The following ERBB4 variants were observed in gnomAD, a reference collection of about 807,000 sequenced individuals.
ERBB4 encodes erb-b2 receptor tyrosine kinase 4, also known as receptor tyrosine-protein kinase erbB-4.
A neutral mutation model predicts 158.0 loss-of-function variants in ERBB4; 42 were observed. The ratio of observed to expected loss-of-function variants is 0.27; its 90% CI spans 0.21 to 0.34. ERBB4 has a LOEUF of 0.34. Ranked by LOEUF, ERBB4 falls within the 10% of genes least tolerant of loss-of-function variation. The pLI is 1.00. For missense variants in ERBB4, 1,333 were observed against 1,624.1 expected, an observed-to-expected ratio of 0.82 and a Z score of 3.08; for synonymous variants, 583 against 558.7, an observed-to-expected ratio of 1.04 and a Z score of -0.61.
intron 1 of ERBB4, among the ~76,000 whole-genome samples, chr2:212,488,400 T>C (rs2106190255): frequency 1.3e-5 from 2 of 152,156 alleles, no homozygotes; most frequent in South Asian, 4.1e-4. Context: ...GTCATCCCTC[T>C]AGTTTTAACC....
At position 211,679,060 on chromosome 2, in the gene ERBB4, G is replaced by A; in HGVS notation, c.1614C>T (p.Leu538=). Residue 538 remains leucine (L), a synonymous_variant, in exon 13 of 28, where the codon CTC becomes CTT. Transcript: ENST00000342788. Reference sequence around the variant, plus strand: ...CCTAGAAGAAGCCTTACCCATCATAGAGGTTACAAGACTCTATGCAGATCC... The same window carrying A: ...CCTAGAAGAAGCCTTACCCATCATAAAGGTTACAAGACTCTATGCAGATCC... ...RGRICIESCN[L]YDGEFREFEN... is the part of the protein sequence containing the mutation. The A allele has an allele frequency of 6.3e-7, 1 of 1,593,478 alleles. No homozygotes were observed. Among genetic ancestry groups the A allele is most frequent in the East Asian group, 2.4e-5 (1 of 42,492 alleles).
At chr2:212,493,347 G>A (rs1055444582) in intron 1 of ERBB4, among the ~76,000 whole-genome samples, 2 of 151,262 alleles carry the variant, frequency 1.3e-5, no homozygotes, top group Non-Finnish European at 3.0e-5. Flanking sequence ...AAATAGACAA[G>A]TATAGAAGTG....
chr2:211,875,025 C>CAAAAAAAAAAAATA (rs2078456589), intron 3 of ERBB4, among the ~76,000 whole-genome samples: 1 of 27,032 alleles, frequency 3.7e-5, no homozygotes. Flanking sequence ...AATAGAAATG[C>CAAAAAAAAAAAATA]AAAAAAAAAA....
chr2:211,534,807 A>G (rs1453711531), intron 20 of ERBB4, among the ~76,000 whole-genome samples: 1 of 152,046 alleles, frequency 6.6e-6, no homozygotes, highest in Non-Finnish European at 1.5e-5. Context: ...ACAGATGGGA[A>G]GAGGGAGAGA....
chr2:211,776,797 G>A (rs944725365), intron 4 of ERBB4, among the ~76,000 whole-genome samples: 1 of 152,058 alleles, frequency 6.6e-6, no homozygotes, highest in African/African-American at 2.4e-5. Context: ...GTTATATTGG[G>A]GCAGTGCTTT....
chr2:211,685,981 T>G (rs1404631298), intron 12 of ERBB4, among the ~76,000 whole-genome samples: 2 of 152,202 alleles, frequency 1.3e-5, no homozygotes, highest in Non-Finnish European at 2.9e-5. Context: ...CCTATAATCA[T>G]GCTGAATTTG....
At chr2:212,071,686 T>C (rs1304680753) in intron 2 of ERBB4, among the ~76,000 whole-genome samples, 1 of 152,046 alleles carries the variant, frequency 6.6e-6, no homozygotes, top group Non-Finnish European at 1.5e-5. Context: ...ATTTGTCTTT[T>C]TGGTTTTTGT....
chr2:212,121,524 T>C (rs2079747429), intron 2 of ERBB4, among the ~76,000 whole-genome samples: 1 of 152,226 alleles, frequency 6.6e-6, no homozygotes. Flanking sequence ...TATTCTGTTC[T>C]TGAACCACTC....
intron 1 of ERBB4, among the ~76,000 whole-genome samples, chr2:212,279,416 A>G (rs1469386051): frequency 6.6e-6 from 1 of 151,558 alleles, no homozygotes; most frequent in Non-Finnish European, 1.5e-5. Flanking sequence ...AAGAGGGTAA[A>G]AGGGGAGATG....
chr2:211,393,705 G>T (rs1165341060), intron 25 of ERBB4, among the ~76,000 whole-genome samples: 9 of 150,988 alleles, frequency 6.0e-5, no homozygotes, highest in Non-Finnish European at 1.0e-4. Flanking sequence ...ACATAAACTG[G>T]AAAGAAGGAA....
rs1331730902 is a variant in ERBB4, at chr2:212,538,727, G to C, written c.-197C>G. ...GGGTCCAGGGCCGGGGCCCGAGGAG[G>C]GGGCGAGTGTGAGCGCGTGTGTGCG... On this transcript the variant is annotated 5_prime_UTR_variant, in exon 1 of 28. Transcript: ENST00000342788. 2 of 414,654 alleles carry C rather than the reference G, an allele frequency of 4.8e-6. No individual in the cohort carries two copies. The highest frequency in any genetic ancestry group is 4.1e-6 in the Non-Finnish European group (1 of 241,076). The allele number at this position is 414,654 out of a possible 1,614,324, so 25.7% of individuals were successfully genotyped here. A position where few individuals can be genotyped will look rare whatever the true frequency, so the allele number is the denominator to read the frequency against.
At chr2:211,391,948 TTAAA>T (rs1354641574) in intron 25 of ERBB4, among the ~76,000 whole-genome samples, 1 of 152,204 alleles carries the variant, frequency 6.6e-6, no homozygotes, top group African/African-American at 2.4e-5. Context: ...TTTCTAATCT[TTAAA>T]TAATTATTAC....
intron 2 of ERBB4, among the ~76,000 whole-genome samples, chr2:212,005,970 C>A (rs909729857): frequency 2.0e-5 from 3 of 148,804 alleles, no homozygotes; most frequent in Non-Finnish European, 4.5e-5. Flanking sequence ...ATTAGGATTG[C>A]AAAAATTTGC....
intron 2 of ERBB4, among the ~76,000 whole-genome samples, chr2:211,981,919 A>G (rs1386554032): frequency 2.0e-5 from 3 of 152,202 alleles, no homozygotes; most frequent in South Asian, 4.1e-4. Flanking sequence ...TTATCTGCTC[A>G]GTGAGAAATG....
intron 25 of ERBB4, among the ~76,000 whole-genome samples, chr2:211,416,060 T>G (rs986023243): frequency 2.0e-5 from 3 of 152,168 alleles, no homozygotes; most frequent in Non-Finnish European, 4.4e-5. Context: ...TGATATGTTT[T>G]GACAGAGGAG....
chr2:211,605,059 G>A (rs1295463451), intron 19 of ERBB4, among the ~76,000 whole-genome samples: 2 of 152,056 alleles, frequency 1.3e-5, no homozygotes, highest in Non-Finnish European at 2.9e-5. Flanking sequence ...GATGGTCTTT[G>A]GTGCTTTATT....
At chr2:212,306,299 T>C (rs959296768) in intron 1 of ERBB4, among the ~76,000 whole-genome samples, 2 of 151,456 alleles carry the variant, frequency 1.3e-5, no homozygotes, top group Admixed American at 1.3e-4. Context: ...AGATGCAGTA[T>C]TTCAAGAAGA....
chr2:212,229,156 G>A (rs1009199559), intron 1 of ERBB4, among the ~76,000 whole-genome samples: 1 of 152,190 alleles, frequency 6.6e-6, no homozygotes, highest in African/African-American at 2.4e-5. Context: ...ACAGTCTAAT[G>A]TGGAAAATAT....
intron 3 of ERBB4, among the ~76,000 whole-genome samples, chr2:211,791,888 G>A (rs757585972): frequency 1.3e-4 from 20 of 151,576 alleles, no homozygotes; most frequent in Admixed American, 2.0e-4. Context: ...AAGATGTCAC[G>A]AATCTTTTTT....
Sources: allele counts gnomAD v4.1 joint callset (sites outside exome capture counted in the v4.1 genomes callset), GRCh38; gene constraint gnomAD v4.1.1; transcripts MANE v1.5; gene names NCBI Gene and HGNC (gene_info 2026-07-23, HGNC 2026-07-21).